The following ZFHX3 variants were observed in gnomAD, a reference collection of about 807,000 sequenced individuals.
The protein encoded by ZFHX3 is zinc finger homeobox protein 3.
A neutral mutation model predicts 279.1 loss-of-function variants in ZFHX3; 42 were observed. The ratio of observed to expected loss-of-function variants is 0.15; its 90% CI spans 0.12 to 0.19. ZFHX3 has a LOEUF of 0.19. ZFHX3 is among the 10% of genes least tolerant of loss of function. The pLI, the probability that ZFHX3 is intolerant of heterozygous loss-of-function variation, is 1.00. For synonymous variants in ZFHX3, 2,293 were observed against 1,957.8 expected (o/e 1.17, Z -4.52); for missense variants, 4,981 against 4,754.0 (o/e 1.05, Z -1.40).
intron 3 of ZFHX3, among the ~76,000 whole-genome samples, chr16:73,451,670 CTGAG>C (rs370113198): frequency 1.4e-4 from 21 of 152,266 alleles, no homozygotes; most frequent in African/African-American, 3.9e-4. Flanking sequence ...TTACTACTCT[CTGAG>C]TAAGATTTTT....
intron 4 of ZFHX3, among the ~76,000 whole-genome samples, chr16:72,888,626 G>C (rs1322952259): frequency 6.6e-6 from 1 of 152,228 alleles, no homozygotes; most frequent in East Asian, 1.9e-4. Context: ...GAGGACAAGA[G>C]AAAAACACCC....
intron 1 of ZFHX3, among the ~76,000 whole-genome samples, chr16:73,840,204 G>A (rs1446522624): frequency 1.3e-5 from 2 of 152,160 alleles, no homozygotes; most frequent in African/African-American, 2.4e-5. Context: ...GATGAACGTA[G>A]CAGGGAGGTA....
At chr16:73,637,916 T>C (rs974248501) in intron 2 of ZFHX3, among the ~76,000 whole-genome samples, 1 of 152,252 alleles carries the variant, frequency 6.6e-6, no homozygotes, top group Admixed American at 6.5e-5. Flanking sequence ...TCAGAAAATA[T>C]AAAATTATTT....
At chr16:73,305,636 C>T (rs2015163847) in intron 4 of ZFHX3, among the ~76,000 whole-genome samples, 1 of 151,944 alleles carries the variant, frequency 6.6e-6, no homozygotes, top group East Asian at 1.9e-4. Flanking sequence ...ATCAGCAGAC[C>T]TGAAGCCAAA....
intron 8 of ZFHX3, among the ~76,000 whole-genome samples, chr16:73,080,704 G>A (rs1406367592): frequency 6.6e-6 from 1 of 152,066 alleles, no homozygotes; most frequent in Non-Finnish European, 1.5e-5. Context: ...CTCCCCAGTA[G>A]CTGGGATTAT....
chr16:73,754,820 A>G (rs183815393), intron 1 of ZFHX3, among the ~76,000 whole-genome samples: 1 of 152,288 alleles, frequency 6.6e-6, no homozygotes, highest in Non-Finnish European at 1.5e-5. Flanking sequence ...ATATAAAAGA[A>G]GGTTCACTCA....
intron 1 of ZFHX3, among the ~76,000 whole-genome samples, chr16:73,723,989 C>T (rs1017720162): frequency 4.6e-5 from 7 of 152,152 alleles, no homozygotes; most frequent in African/African-American, 1.7e-4. Flanking sequence ...AAGGTGTTCA[C>T]TGGGAAATTT....
Position 73,743,656 on chromosome 16 carries a change from TAC to T in ZFHX3, c.-1607-63418_-1607-63417del, listed in dbSNP as rs1491057558. On this transcript the variant is annotated intron_variant, in intron 1 of 17. Transcript: ENST00000641206. ...AATGCATACATACACAGGTAACTCC[TAC>T]ATATATATATACAAGAAAAAGAGGT... Among the ~76,000 whole-genome samples the T allele has an allele frequency of 1.3e-4, 19 of 149,936 alleles. No homozygotes were observed. The South Asian group carries it at 3.6e-3, about 28-fold the overall frequency.
intron 5 of ZFHX3, among the ~76,000 whole-genome samples, chr16:73,256,386 C>T (rs1011157938): frequency 2.6e-5 from 4 of 152,172 alleles, no homozygotes; most frequent in Non-Finnish European, 4.4e-5. Context: ...TAGCTCATCA[C>T]GTTTTATAGA....
intron 3 of ZFHX3, among the ~76,000 whole-genome samples, chr16:72,942,066 A>T (rs1960436178): frequency 6.6e-6 from 1 of 152,230 alleles, no homozygotes; most frequent in Non-Finnish European, 1.5e-5. Context: ...TTTCCTGACT[A>T]TGTTCCTGAC....
At chr16:73,175,728 T>C (rs552408146) in intron 5 of ZFHX3, among the ~76,000 whole-genome samples, 31 of 152,350 alleles carry the variant, frequency 2.0e-4, no homozygotes, top group African/African-American at 7.2e-4. Context: ...GGCTCTTTTT[T>C]ATCCTTTGGG....
intron 3 of ZFHX3, among the ~76,000 whole-genome samples, chr16:72,897,961 C>T (rs2038938807): frequency 6.6e-6 from 1 of 152,158 alleles, no homozygotes; most frequent in Non-Finnish European, 1.5e-5. Context: ...GAACATGAGA[C>T]TCTGCAGACC....
At position 73,261,668 on chromosome 16, in the gene ZFHX3, G is replaced by GTT. The variant is rs1187489542; in HGVS notation, c.-1193-4534_-1193-4533dup. ...TATAAATATAAACATTCCTGTGATT[G>GTT]TTTTTTTTTTTTTTTTTTTTTTTTA... is the stretch of plus-strand genomic sequence containing the variant. On this transcript the variant is annotated intron_variant, in intron 4 of 17. Coordinates refer to the ZFHX3 transcript ENST00000641206. Among the ~76,000 whole-genome samples, 655 of 80,678 alleles carry GTT rather than the reference G, an allele frequency of 8.1e-3. 39 individuals are homozygous for GTT. The highest frequency in any genetic ancestry group is 0.024 in the African/African-American group (504 of 21,040). 52.9% of individuals were successfully genotyped at this position (80,678 alleles called of 152,430 possible). A position where few individuals can be genotyped will look rare whatever the true frequency, so the allele number is the denominator to read the frequency against.
chr16:73,401,338 A>T (rs1443804658), intron 3 of ZFHX3: 1 of 146,582 alleles, frequency 6.8e-6, no homozygotes, highest in Non-Finnish European at 1.5e-5. Flanking sequence ...GATAAAACCC[A>T]CAGGTACATT....
intron 4 of ZFHX3, among the ~76,000 whole-genome samples, chr16:73,294,461 G>A (rs1266875927): frequency 1.3e-5 from 2 of 152,198 alleles, no homozygotes; most frequent in Admixed American, 6.5e-5. Context: ...TGGATAATGT[G>A]CTTATTTTGG....
chr16:73,502,601 C>T (rs825852), intron 2 of ZFHX3, among the ~76,000 whole-genome samples: 34,530 of 152,060 alleles, frequency 0.23, 4,502 homozygotes, highest in East Asian at 0.57. Context: ...GTAGACAGTA[C>T]GGAGCTGAGA....
chr16:72,933,820 T>TTTTTTTTTC (rs1567591523), intron 3 of ZFHX3, among the ~76,000 whole-genome samples: 14 of 110,866 alleles, frequency 1.3e-4, no homozygotes, highest in African/African-American at 4.9e-4. Flanking sequence ...TTTCTTTTTT[T>TTTTTTTTTC]TTTTTTTTTT....
At chr16:73,562,803 A>G (rs1469264813) in intron 2 of ZFHX3, among the ~76,000 whole-genome samples, 1 of 152,186 alleles carries the variant, frequency 6.6e-6, no homozygotes, top group Admixed American at 6.5e-5. Flanking sequence ...AAGCCTTTCT[A>G]TGAAACTGGT....
chr16:72,866,332 G>A (rs915568195), intron 4 of ZFHX3, among the ~76,000 whole-genome samples: 1 of 152,166 alleles, frequency 6.6e-6, no homozygotes, highest in African/African-American at 2.4e-5. Context: ...AGATTAATGA[G>A]GTAGACCCCC....
Sources: allele counts gnomAD v4.1 joint callset (sites outside exome capture counted in the v4.1 genomes callset), GRCh38; gene constraint gnomAD v4.1.1; transcripts MANE v1.5; gene names NCBI Gene and HGNC (gene_info 2026-07-23, HGNC 2026-07-21).